The following RSPH3 variants were observed in gnomAD, a reference collection of about 807,000 sequenced individuals.
RSPH3 encodes radial spoke head 3.
A neutral mutation model predicts 43.8 loss-of-function variants in RSPH3; 21 were observed. The observed-to-expected ratio is 0.48, with a 90% CI of 0.34 to 0.69. The LOEUF (loss-of-function observed/expected upper bound fraction) is 0.69, where lower values mean the gene tolerates loss of function less well. Among genes scored for constraint, RSPH3 ranks in the 30% least tolerant of loss-of-function variants. The probability of loss-of-function intolerance (pLI) is 0.01; values close to 1 mark genes in which losing one functional copy is unlikely to be tolerated. For missense variants in RSPH3, 487 were observed against 516.0 expected, an observed-to-expected ratio of 0.94 and a Z score of 0.54; for synonymous variants, 173 against 179.8, an observed-to-expected ratio of 0.96 and a Z score of 0.30.
At chr6:158,998,883 G>A (rs926028508) in intron 1 of RSPH3, among the ~76,000 whole-genome samples, 1 of 149,614 alleles carries the variant, frequency 6.7e-6, no homozygotes, top group African/African-American at 2.5e-5. Flanking sequence ...AACAACAACA[G>A]CAACCACCAC....
chr6:158,984,441 T>TATATATAC (rs1778151023), intron 3 of RSPH3, among the ~76,000 whole-genome samples: 1 of 56,448 alleles, frequency 1.8e-5, no homozygotes, highest in African/African-American at 6.1e-5. Flanking sequence ...CAATTATATA[T>TATATATAC]ATATATATAT....
chr6:158,996,069 A>G (rs1409244588), intron 1 of RSPH3, among the ~76,000 whole-genome samples: 1 of 152,228 alleles, frequency 6.6e-6, no homozygotes, highest in East Asian at 1.9e-4. Context: ...GGAAGAGGAC[A>G]TCTTTGGGGA....
chr6:158,999,214 C>G (rs1224333003), intron 1 of RSPH3, among the ~76,000 whole-genome samples: 2,695 of 152,314 alleles, frequency 0.018, 34 homozygotes, highest in Middle Eastern at 0.024. Context: ...ACCACGGCAG[C>G]AACTCATATC....
rs1777757661 is a variant in RSPH3, at chr6:158,973,922, TCA to T, written c.*3614_*3615del. 1 of 151,952 alleles carries T rather than the reference TCA, an allele frequency of 6.6e-6. No individual in the cohort carries two copies. Among genetic ancestry groups the T allele is most frequent in the Admixed American group, 6.6e-5 (1 of 15,238 alleles). 9.4% of individuals were successfully genotyped at this position (151,952 alleles called of 1,614,324 possible). On this transcript the variant is annotated 3_prime_UTR_variant, in exon 8 of 8. Transcript: ENST00000367069. Reference sequence around the variant, plus strand: ...CCTGGGTTCAAGTGATTCTTATGCCTCAGTCTCCCGAGTAGCTGGGATTATAG... The same window carrying T: ...CCTGGGTTCAAGTGATTCTTATGCCTGTCTCCCGAGTAGCTGGGATTATAG...
chr6:158,998,078 A>G (rs1355636720), intron 1 of RSPH3, among the ~76,000 whole-genome samples: 1 of 151,998 alleles, frequency 6.6e-6, no homozygotes, highest in Admixed American at 6.5e-5. Context: ...GCATTCCTAT[A>G]AAGTTCTGCT....
rs954724560 is a variant in RSPH3 at position 158,974,890 on chromosome 6, G to A, written c.*2648C>T. 3.3e-5 allele frequency: 5 copies of A among 151,436 alleles called. No homozygotes were observed. Among genetic ancestry groups the A allele is most frequent in the Non-Finnish European group, 7.4e-5 (5 of 67,936 alleles). 9.4% of individuals were successfully genotyped at this position (151,436 alleles called of 1,614,324 possible). On this transcript the variant is annotated 3_prime_UTR_variant, in exon 8 of 8. Coordinates refer to ENST00000367069, the MANE Select transcript of RSPH3 (RefSeq NM_031924.8). ...GAGTCTCACTCTGTCTTCCAGGCTG[G>A]AGTGCAGTGGCGCGATCTCGGCTCA...
intron 6 of RSPH3, among the ~76,000 whole-genome samples, chr6:158,979,788 G>GT (rs1442345362): frequency 2.6e-5 from 4 of 152,214 alleles, no homozygotes; most frequent in Non-Finnish European, 5.9e-5. Flanking sequence ...CACGGTGGAT[G>GT]TAAGTGCTTT....
chr6:158,984,451 T>C (rs867288751), intron 3 of RSPH3, among the ~76,000 whole-genome samples: 32 of 123,376 alleles, frequency 2.6e-4, no homozygotes, highest in African/African-American at 9.6e-4. Flanking sequence ...TATATATATA[T>C]ATATATATAT....
At chr6:158,985,936 C>T (rs926303837) in intron 3 of RSPH3, among the ~76,000 whole-genome samples, 1 of 151,626 alleles carries the variant, frequency 6.6e-6, no homozygotes, top group Non-Finnish European at 1.5e-5. Flanking sequence ...GTCTTAGCCT[C>T]CCGAGTAGCT....
rs1477466221 is a variant in RSPH3, at chr6:158,974,304, G to T, written c.*3234C>A. On this transcript the variant is annotated 3_prime_UTR_variant, in exon 8 of 8. Coordinates refer to ENST00000367069, the MANE Select transcript of RSPH3 (RefSeq NM_031924.8). ...TAATTCCTTTAAAAGTCATACTGAG[G>T]GTCATAGTTGGGGATGTAGCATTTT... is the stretch of plus-strand genomic sequence containing the variant. 6.6e-6 allele frequency: 1 copy of T among 152,128 alleles called. No homozygotes were observed. The highest frequency in any genetic ancestry group is 2.4e-5 in the African/African-American group (1 of 41,424). The allele number at this position is 152,128 out of a possible 1,614,324, so 9.4% of individuals were successfully genotyped here.
At position 158,986,374 on chromosome 6, in the gene RSPH3, C is replaced by T. The variant is rs373788193; in HGVS notation, c.252G>A (p.Arg84=). 4.3e-6 allele frequency: 7 copies of T among 1,614,012 alleles called. No homozygotes were observed. The highest frequency in any genetic ancestry group is 1.3e-5 in the African/African-American group (1 of 74,932). ...SLELQRQREA[R]KRALARKQAQ... is the part of the protein sequence containing the mutation. ...CTTGTTTTCTGGCAAGAGCCCTCTT[C>T]CTAGCCTCCCGTTGTCTCTGGAGCT... Residue 84 remains arginine (R), a synonymous_variant, in exon 3 of 8, where the codon AGG becomes AGA. Coordinates refer to ENST00000367069, the MANE Select transcript of RSPH3 (RefSeq NM_031924.8).
chr6:158,996,035 C>T (rs952042893), intron 1 of RSPH3, among the ~76,000 whole-genome samples: 1 of 152,168 alleles, frequency 6.6e-6, no homozygotes, highest in Non-Finnish European at 1.5e-5. Context: ...TACCACATAA[C>T]ATGTTCACAG....
chr6:158,999,059 T>C (rs1245601851), intron 1 of RSPH3, among the ~76,000 whole-genome samples: 1 of 152,244 alleles, frequency 6.6e-6, no homozygotes, highest in African/African-American at 2.4e-5. Flanking sequence ...AATGGAGTTA[T>C]AAAATCAACT....
the RSPH3 span, among the ~76,000 whole-genome samples, chr6:158,966,874 T>C: frequency 6.6e-6 from 1 of 152,260 alleles, no homozygotes. Flanking sequence ...GCATTTATTT[T>C]CCTCTTCTTT....
chr6:158,969,315 C>T (rs960651815), downstream of RSPH3, among the ~76,000 whole-genome samples: 6 of 152,144 alleles, frequency 3.9e-5, no homozygotes, highest in African/African-American at 7.2e-5. Context: ...TTTCTTTTAG[C>T]ACTTTGAATA....
rs147256615 is a variant in RSPH3, at chr6:158,999,933, A to C, written c.-383T>G. 9.6e-5 allele frequency: 155 copies of C among 1,610,548 alleles called. No individual in the cohort carries two copies. In the African/African-American group the frequency reaches 1.7e-3, roughly 17 times the overall value. ...CAGGTAGGTGCGCCTGCGCTTTGCG[A>C]GGTTCCTGGCTAGGGAGGCGGCCTT... is the stretch of plus-strand genomic sequence containing the variant. On this transcript the variant is annotated 5_prime_UTR_variant, in exon 1 of 8. Transcript: ENST00000367069.
rs1778779602 is a variant in RSPH3 at position 158,999,555 on chromosome 6, G to A, written c.-5C>T. On this transcript the variant is annotated 5_prime_UTR_variant, in exon 1 of 8. Transcript: ENST00000367069. The stretch of plus-strand genomic sequence containing the variant: ...ATCAGTCAGCGCTGAGGCCATGTCC[G>A]GGGGCTGACTGCCTCGCTTTCGGTG... 1.9e-6 allele frequency: 3 copies of A among 1,604,944 alleles called. No homozygotes were observed. Among genetic ancestry groups the A allele is most frequent in the Admixed American group, 1.7e-5 (1 of 59,470 alleles).
chr6:158,966,211 T>C, the RSPH3 span, among the ~76,000 whole-genome samples: 1 of 152,154 alleles, frequency 6.6e-6, no homozygotes, highest in Non-Finnish European at 1.5e-5. Flanking sequence ...TGGTCATCCT[T>C]TTCGTATGTT....
Position 158,999,762 on chromosome 6 carries a change from C to G in RSPH3, c.-212G>C, listed in dbSNP as rs769854699. The G allele has an allele frequency of 1.2e-6, 2 of 1,611,154 alleles. No homozygotes were observed. Among genetic ancestry groups the G allele is most frequent in the South Asian group, 1.1e-5 (1 of 90,850 alleles). ...GGGCTCGCTCCCAGCACCACAGAGA[C>G]CAGCTGCGGGGGCCGCATCGGTTGC... On this transcript the variant is annotated 5_prime_UTR_variant, in exon 1 of 8. Transcript: ENST00000367069.
Sources: allele counts gnomAD v4.1 joint callset (sites outside exome capture counted in the v4.1 genomes callset), GRCh38; gene constraint gnomAD v4.1.1; transcripts MANE v1.5; gene names NCBI Gene and HGNC (gene_info 2026-07-23, HGNC 2026-07-21).